Variants in GRIK1 observed in about 807,000 individuals in gnomAD.
GRIK1 encodes the protein glutamate receptor ionotropic, kainate 1.
A neutral mutation model predicts 105.7 loss-of-function variants in GRIK1; 69 were observed. The observed-to-expected ratio is 0.65, with a 90% CI of 0.54 to 0.80. The LOEUF is 0.80. GRIK1 is among the 30% of genes least tolerant of loss of function. The pLI is 0.00. For synonymous variants in GRIK1, 438 were observed against 431.3 expected (o/e 1.02, Z -0.19); for missense variants, 1,109 against 1,167.3 (o/e 0.95, Z 0.73).
intron 1 of GRIK1, among the ~76,000 whole-genome samples, chr21:29,750,641 G>T (rs1050450498): frequency 2.0e-5 from 3 of 152,108 alleles, no homozygotes; most frequent in African/African-American, 7.2e-5. Context: ...ATTTTCTGAT[G>T]AGGGTCAATA....
At chr21:29,553,383 G>A in intron 16 of GRIK1, 4 of 1,287,136 alleles carry the variant, frequency 3.1e-6, no homozygotes, top group Non-Finnish European at 2.9e-6. Flanking sequence ...TCAACATACA[G>A]TGCAAGTATC....
At chr21:29,778,578 G>A (rs1369224872) in intron 1 of GRIK1, among the ~76,000 whole-genome samples, 1 of 152,124 alleles carries the variant, frequency 6.6e-6, no homozygotes, top group African/African-American at 2.4e-5. Flanking sequence ...GAAATTATTT[G>A]ACTTAGGATG....
At chr21:29,838,222 T>C (rs2067864621) in intron 1 of GRIK1, among the ~76,000 whole-genome samples, 2 of 152,070 alleles carry the variant, frequency 1.3e-5, no homozygotes, top group Admixed American at 1.3e-4. Flanking sequence ...TAGAAGCCCA[T>C]AGGAGGAGTG....
chr21:29,885,273 ACTT>A (rs755329584), intron 1 of GRIK1, among the ~76,000 whole-genome samples: 2 of 152,020 alleles, frequency 1.3e-5, no homozygotes, highest in Non-Finnish European at 2.9e-5. Flanking sequence ...ATAGTCTTCA[ACTT>A]CTTCTTCTAA....
At chr21:29,700,146 T>C (rs549405971) in intron 1 of GRIK1, among the ~76,000 whole-genome samples, 2 of 152,274 alleles carry the variant, frequency 1.3e-5, no homozygotes, top group African/African-American at 4.8e-5. Flanking sequence ...TTCTGTCTGT[T>C]TTGGGTAGAC....
At chr21:29,619,210 G>A (rs1282586439) in intron 7 of GRIK1, among the ~76,000 whole-genome samples, 3 of 151,784 alleles carry the variant, frequency 2.0e-5, no homozygotes, top group Non-Finnish European at 4.4e-5. Flanking sequence ...AGGCCAAAGC[G>A]GGCAGATCAC....
At chr21:29,560,392 C>CTCTTT (rs769166953) in intron 15 of GRIK1, among the ~76,000 whole-genome samples, 1 of 55,780 alleles carries the variant, frequency 1.8e-5, no homozygotes, top group Non-Finnish European at 3.1e-5. Context: ...TTCCTTCCTT[C>CTCTTT]CTTCCTTCCT....
At chr21:29,808,499 T>C (rs538832700) in intron 1 of GRIK1, among the ~76,000 whole-genome samples, 5 of 152,262 alleles carry the variant, frequency 3.3e-5, no homozygotes, top group East Asian at 3.9e-4. Flanking sequence ...ATATGCTATA[T>C]ATATTAGAGT....
chr21:29,815,567 C>T (rs1205179008), intron 1 of GRIK1, among the ~76,000 whole-genome samples: 1 of 152,056 alleles, frequency 6.6e-6, no homozygotes, highest in Non-Finnish European at 1.5e-5. Flanking sequence ...AATAAGATTT[C>T]CCACTGACTA....
intron 1 of GRIK1, among the ~76,000 whole-genome samples, chr21:29,938,634 C>T (rs1218721620): frequency 2.6e-5 from 4 of 152,114 alleles, no homozygotes; most frequent in African/African-American, 9.7e-5. Flanking sequence ...GAGATCAGAG[C>T]CCTGAATCTC....
At chr21:29,756,454 G>A (rs1335752308) in intron 1 of GRIK1, among the ~76,000 whole-genome samples, 3 of 152,144 alleles carry the variant, frequency 2.0e-5, no homozygotes, top group African/African-American at 2.4e-5. Flanking sequence ...TAATTGCTGC[G>A]TGTGTGAGTA....
chr21:29,900,553 C>A (rs1314961204), intron 1 of GRIK1, among the ~76,000 whole-genome samples: 3 of 150,712 alleles, frequency 2.0e-5, no homozygotes, highest in Non-Finnish European at 4.4e-5. Context: ...AAGGCCATTA[C>A]ATAATGGTAA....
intron 1 of GRIK1, among the ~76,000 whole-genome samples, chr21:29,698,933 T>C (rs2063762493): frequency 6.6e-6 from 1 of 152,126 alleles, no homozygotes; most frequent in Admixed American, 6.5e-5. Flanking sequence ...TTCTGAAAAA[T>C]TAATGCTTTT....
At chr21:29,780,663 G>A (rs2066070028) in intron 1 of GRIK1, among the ~76,000 whole-genome samples, 1 of 152,152 alleles carries the variant, frequency 6.6e-6, no homozygotes, top group South Asian at 2.1e-4. Context: ...TTGTGGCTCA[G>A]CATCATTTTA....
intron 1 of GRIK1, among the ~76,000 whole-genome samples, chr21:29,834,541 T>A (rs1331986739): frequency 6.6e-6 from 1 of 150,880 alleles, no homozygotes; most frequent in African/African-American, 2.4e-5. Flanking sequence ...CACTTCCTAC[T>A]TGGCTGTCTA....
chr21:29,582,323 G>C (rs1274071442), intron 12 of GRIK1: 1 of 469,600 alleles, frequency 2.1e-6, no homozygotes, highest in African/African-American at 2.0e-5. Flanking sequence ...ACCATGGCCT[G>C]TGGTCACTTA....
chr21:29,738,143 CAG>C (rs1358351447), intron 1 of GRIK1, among the ~76,000 whole-genome samples: 1 of 152,224 alleles, frequency 6.6e-6, no homozygotes, highest in Non-Finnish European at 1.5e-5. Flanking sequence ...ACTGGGCAGA[CAG>C]AGAGGTTTGG....
intron 13 of GRIK1, among the ~76,000 whole-genome samples, chr21:29,580,914 G>A (rs375548048): frequency 6.6e-6 from 1 of 152,042 alleles, no homozygotes; most frequent in Admixed American, 6.6e-5. Context: ...ACAGTTTATT[G>A]TTGCTATGGT....
At chr21:29,781,687 G>A (rs545334838) in intron 1 of GRIK1, among the ~76,000 whole-genome samples, 3 of 73,876 alleles carry the variant, frequency 4.1e-5, no homozygotes, top group African/African-American at 1.1e-4. Context: ...TTTTTGAGAC[G>A]GAGTCTCGCT....
Sources: gnomAD v4.1 joint callset for allele counts (sites outside exome capture counted in the v4.1 genomes callset) on GRCh38, gnomAD v4.1.1 for gene constraint, MANE v1.5 for transcripts, NCBI Gene and HGNC (gene_info 2026-07-23, HGNC 2026-07-21) for gene names.